Variants in TF observed in about 807,000 individuals in gnomAD.
TF encodes serotransferrin.
In TF, 55 loss-of-function variants were observed where a neutral mutation model predicts 82.4. That is an observed-to-expected ratio of 0.67 (90% CI 0.54 to 0.84). TF has a LOEUF of 0.84. TF is among the 40% of genes least tolerant of loss of function. The pLI, the probability that TF is intolerant of heterozygous loss-of-function variation, is 0.00. For missense variants in TF, 737 were observed against 868.4 expected, an observed-to-expected ratio of 0.85 and a Z score of 1.90; for synonymous variants, 332 against 332.6, an observed-to-expected ratio of 1.00 and a Z score of 0.02.
chr3:133,704,515 G>C, the TF span, among the ~76,000 whole-genome samples: 1,223 of 152,338 alleles, frequency 8.0e-3, 21 homozygotes, highest in African/African-American at 0.028. Flanking sequence ...CAGGCAGAAA[G>C]AGATCAAAAT....
chr3:133,769,964 G>A (rs1934220107), intron 13 of TF, among the ~76,000 whole-genome samples: 1 of 152,194 alleles, frequency 6.6e-6, no homozygotes, highest in African/African-American at 2.4e-5. Context: ...CTGGGAGTTA[G>A]TAGAGTCAGG....
Position 133,770,664 on chromosome 3 carries a change from T to C in TF, c.1687+92T>C, listed in dbSNP as rs1001974457. On this transcript the variant is annotated intron_variant, in intron 14 of 16. Coordinates refer to ENST00000402696, the MANE Select transcript of TF (RefSeq NM_001063.4). The stretch of plus-strand genomic sequence containing the variant: ...CAGGGATGCCTTTGTGGAAGTATTA[T>C]GTACACTGTCAGACTTCAAAGCTCT... 2.3e-6 allele frequency: 3 copies of C among 1,302,466 alleles called. No homozygotes were observed. The Admixed American group carries it at 5.0e-5, about 22-fold the overall frequency. The allele number at this position is 1,302,466 out of a possible 1,614,324, so 80.7% of individuals were successfully genotyped here.
chr3:133,777,307 G>A, intron 16 of TF, 69 bp downstream of exon 16: 2 of 1,502,138 alleles, frequency 1.3e-6, no homozygotes, highest in South Asian at 1.1e-5. Flanking sequence ...TGGTGGGTGG[G>A]TACAGGAGGG....
the TF span, chr3:133,662,491 A>T: frequency 6.6e-6 from 1 of 152,246 alleles, no homozygotes; most frequent in African/African-American, 2.4e-5. Context: ...GGAAGAAAGG[A>T]TGACTTATTA....
intron 14 of TF, 141 bp from the exon 15 acceptor site, chr3:133,775,291 TC>T (rs1326891851): frequency 1.2e-6 from 1 of 807,870 alleles, no homozygotes; most frequent in Non-Finnish European, 2.1e-6. Context: ...TCTCTTCCTG[TC>T]CACATCACTG....
chr3:133,699,805 C>T, the TF span: 1 of 253,610 alleles, frequency 3.9e-6, no homozygotes, highest in African/African-American at 2.2e-5. Context: ...TTATATACAG[C>T]AGAGGAATAA....
At position 133,775,433 on chromosome 3, in the gene TF, G is replaced by GA; in HGVS notation, c.1694dup (p.Asn565LysfsTer3). 3.7e-6 allele frequency: 6 copies of GA among 1,614,158 alleles called. No homozygotes were observed. Among genetic ancestry groups the GA allele is most frequent in the Non-Finnish European group, 5.1e-6 (6 of 1,180,018 alleles). ...TGAACCACCTTCTTCCTGTCCCTAG[G>GA]AAAAAACCCTGATCCATGGGCTAAG... On this transcript the variant is annotated frameshift_variant and splice_region_variant, in exon 15 of 17. Transcript: ENST00000402696. LOFTEE classifies it high-confidence loss of function.
At chr3:133,700,000 C>A in the TF span, 2 of 176,644 alleles carry the variant, frequency 1.1e-5, no homozygotes, top group Non-Finnish European at 1.2e-5. Context: ...ACTCTGCCAA[C>A]GCTCTCTCCT....
rs927271095 is a variant in TF at position 133,754,454 on chromosome 3, C to A, written c.326-41C>A. On this transcript the variant is annotated intron_variant, in intron 3 of 16. Coordinates refer to ENST00000402696, the MANE Select transcript of TF (RefSeq NM_001063.4). ...GGTGGTGATGAGCCATGTTTCCCTGCACCAGGCTGAGGGCCTTCCATTCAC... is the reference window on the plus strand; with the variant it reads ...GGTGGTGATGAGCCATGTTTCCCTGAACCAGGCTGAGGGCCTTCCATTCAC... The A allele has an allele frequency of 6.9e-6, 11 of 1,604,342 alleles. No individual in the cohort carries two copies. The East Asian group carries it at 2.5e-4, about 36-fold the overall frequency.
chr3:133,710,010 C>G, the TF span: 1 of 152,242 alleles, frequency 6.6e-6, no homozygotes, highest in African/African-American at 2.4e-5. Flanking sequence ...ACATATAAAC[C>G]GAAATGGCTG....
chr3:133,719,135 T>G, the TF span, among the ~76,000 whole-genome samples: 15 of 152,356 alleles, frequency 9.8e-5, no homozygotes, highest in African/African-American at 3.6e-4. Flanking sequence ...GGGGAACAAA[T>G]GTATAGTGAT....
At chr3:133,732,502 C>A in the TF span, among the ~76,000 whole-genome samples, 4 of 152,178 alleles carry the variant, frequency 2.6e-5, no homozygotes, top group African/African-American at 9.7e-5. Context: ...CCACCAGAGC[C>A]AACAGCGGCA....
At chr3:133,722,823 A>G in the TF span, among the ~76,000 whole-genome samples, 1 of 152,194 alleles carries the variant, frequency 6.6e-6, no homozygotes. Flanking sequence ...CCATTATATC[A>G]TGGAGTATTC....
chr3:133,757,969 G>A (rs1158359186), intron 8 of TF, 23 bp downstream of exon 8: 1 of 1,613,416 alleles, frequency 6.2e-7, no homozygotes, highest in African/African-American at 1.3e-5. Flanking sequence ...GAAGAACCAG[G>A]TGACCACAAG....
At chr3:133,775,659 G>A in intron 15 of TF, 42 bp downstream of exon 15, 1 of 1,604,562 alleles carries the variant, frequency 6.2e-7, no homozygotes, top group Non-Finnish European at 8.5e-7. Flanking sequence ...TTCCTAGATG[G>A]CCATAGGCTA....
In TF at chr3:133,781,409, AACTT is replaced by A. The variant is rs1444430494; in HGVS notation, c.*2790_*2793del. 6.6e-6 allele frequency: 1 copy of A among 152,140 alleles called. No individual in the cohort carries two copies. The highest frequency in any genetic ancestry group is 2.4e-5 in the African/African-American group (1 of 41,470). 9.4% of individuals were successfully genotyped at this position (152,140 alleles called of 1,614,324 possible). On this transcript the variant is annotated 3_prime_UTR_variant, in exon 17 of 17. Transcript: ENST00000402696. ...GAAAGGAAATATTAAAATAAAAAAT[AACTT>A]TCTTTTATACAAATAATAGTGAGTT...
the TF span, among the ~76,000 whole-genome samples, chr3:133,725,010 T>A: frequency 2.0e-5 from 3 of 152,312 alleles, no homozygotes; most frequent in South Asian, 6.2e-4. Flanking sequence ...GTTCCATTGA[T>A]CTATATCTCT....
the TF span, among the ~76,000 whole-genome samples, chr3:133,723,243 G>A: frequency 6.6e-6 from 1 of 152,132 alleles, no homozygotes; most frequent in East Asian, 1.9e-4. Context: ...TGATTATAAT[G>A]TTCCTCAGAG....
chr3:133,764,251 C>G lies in TF; in HGVS notation c.1273C>G (p.Pro425Ala), dbSNP rs779628303. ...VYIAGKCGLV[P>A]VLAENYNKSD... Reference sequence around the variant, plus strand: ...CATAGCGGGCAAGTGTGGTCTGGTGCCTGTCTTGGCAGAAAACTACAATAG... The same window carrying G: ...CATAGCGGGCAAGTGTGGTCTGGTGGCTGTCTTGGCAGAAAACTACAATAG... Residue 425 changes from proline to alanine, a missense_variant, in exon 10 of 17, where the codon CCT becomes GCT. By Grantham distance (27) the Pro-to-Ala change is conservative (BLOSUM62 -1). Coordinates refer to ENST00000402696, the MANE Select transcript of TF (RefSeq NM_001063.4). 4.3e-6 allele frequency: 7 copies of G among 1,613,850 alleles called. No homozygotes were observed. The highest frequency in any genetic ancestry group is 5.9e-6 in the Non-Finnish European group (7 of 1,179,792).
Sources: gnomAD v4.1 joint callset for allele counts (sites outside exome capture counted in the v4.1 genomes callset) on GRCh38, gnomAD v4.1.1 for gene constraint, MANE v1.5 for transcripts, NCBI Gene and HGNC (gene_info 2026-07-23, HGNC 2026-07-21) for gene names.